Variants in MAP3K21 observed in about 807,000 individuals in gnomAD.
The protein encoded by MAP3K21 is mitogen-activated protein kinase kinase kinase 21.
In MAP3K21, 63 loss-of-function variants were observed where a neutral mutation model predicts 86.1. That is an observed-to-expected ratio of 0.73 (90% CI 0.60 to 0.90). The LOEUF is 0.90. MAP3K21 is among the 40% of genes least tolerant of loss of function. The probability of loss-of-function intolerance (pLI) is 0.00; values close to 1 mark genes in which losing one functional copy is unlikely to be tolerated. For missense variants in MAP3K21, 1,220 were observed against 1,367.7 expected (o/e 0.89, Z 1.70); for synonymous variants, 558 against 564.8 (o/e 0.99, Z 0.17).
In MAP3K21 at chr1:233,383,492, T is replaced by A. The variant is rs952772007; in HGVS notation, c.*781T>A. On this transcript the variant is annotated 3_prime_UTR_variant, in exon 10 of 10. Coordinates refer to ENST00000366624, the MANE Select transcript of MAP3K21 (RefSeq NM_032435.3). ...TGACTGAGACCACATGGTGTGCCCC[T>A]TGAGTGAGGCTAATCTTTAGGTTTT... The A allele has an allele frequency of 6.6e-6, 1 of 152,096 alleles. No homozygotes were observed. Among genetic ancestry groups the A allele is most frequent in the Non-Finnish European group, 1.5e-5 (1 of 67,988 alleles). 9.4% of individuals were successfully genotyped at this position (152,096 alleles called of 1,614,324 possible).
chr1:233,346,064 C>T (rs1039025217), intron 1 of MAP3K21, among the ~76,000 whole-genome samples: 2 of 152,268 alleles, frequency 1.3e-5, no homozygotes, highest in East Asian at 3.9e-4. Context: ...TTTCAATATT[C>T]TCCACTTCAG....
chr1:233,330,451 TC>T (rs1233649656), intron 1 of MAP3K21, among the ~76,000 whole-genome samples: 1 of 152,196 alleles, frequency 6.6e-6, no homozygotes, highest in Non-Finnish European at 1.5e-5. Flanking sequence ...TATATTTTTT[TC>T]AATAAAAGAA....
intron 8 of MAP3K21, 124 bp from the exon 9 acceptor site, chr1:233,378,807 A>G: frequency 1.4e-6 from 1 of 718,524 alleles, no homozygotes; most frequent in Admixed American, 3.0e-5. Context: ...AGAAATGAAA[A>G]GGGCTGCATG....
chr1:233,328,348 C>G lies in MAP3K21; in HGVS notation c.320C>G (p.Ala107Gly), dbSNP rs1194456075. The G allele has an allele frequency of 3.2e-5, 47 of 1,467,774 alleles. No homozygotes were observed. The highest frequency in any genetic ancestry group is 2.4e-4 in the Middle Eastern group (1 of 4,218). 90.9% of individuals were successfully genotyped at this position (1,467,774 alleles called of 1,614,324 possible). The change falls in exon 1 of 10, where the codon GCG (alanine) becomes GGG (glycine). Residue 107 changes from alanine (A) to glycine (G), a missense_variant. By Grantham distance (60) the Ala-to-Gly change is moderately conservative. Coordinates refer to ENST00000366624, the MANE Select transcript of MAP3K21 (RefSeq NM_032435.3). This position sits in a 1 kb window ranked among gnomAD's most constrained non-coding sequence, Gnocchi z 8.7. The part of the protein sequence containing the change: ...VAPCRPAASP[A>G]PPPSRPSSPV... ...CCCTGCCGCCCGGCCGCCAGCCCCG[C>G]GCCGCCGCCCTCGCGGCCCAGCTCC...
intron 2 of MAP3K21, among the ~76,000 whole-genome samples, chr1:233,352,987 G>C (rs1285536073): frequency 5.9e-5 from 9 of 152,184 alleles, no homozygotes; most frequent in Admixed American, 5.2e-4. Context: ...ATCAGTCTGT[G>C]GTATGGATGT....
At chr1:233,375,890 A>G (rs200447649) in intron 6 of MAP3K21, 26 bp from the exon 7 acceptor site, 2 of 1,586,696 alleles carry the variant, frequency 1.3e-6, no homozygotes, top group African/African-American at 1.3e-5. Flanking sequence ...TGTTGTGGTT[A>G]ATATGGTTAA....
At chr1:233,352,940 G>A (rs769401262) in intron 2 of MAP3K21, among the ~76,000 whole-genome samples, 1 of 152,174 alleles carries the variant, frequency 6.6e-6, no homozygotes. Context: ...CAGAAGACTC[G>A]TGCCTATGTC....
At chr1:233,342,067 T>C (rs1191445636) in intron 1 of MAP3K21, among the ~76,000 whole-genome samples, 1 of 152,214 alleles carries the variant, frequency 6.6e-6, no homozygotes. Flanking sequence ...TTTAAAGGAT[T>C]GGGGATCTAA....
At chr1:233,336,941 T>C (rs190241823) in intron 1 of MAP3K21, among the ~76,000 whole-genome samples, 28 of 152,328 alleles carry the variant, frequency 1.8e-4, no homozygotes, top group Non-Finnish European at 3.1e-4. Flanking sequence ...ACAGTATGCC[T>C]GATGTATTCT....
chr1:233,363,782 G>A (rs948987764), intron 5 of MAP3K21, among the ~76,000 whole-genome samples: 4 of 151,508 alleles, frequency 2.6e-5, no homozygotes, highest in Non-Finnish European at 5.9e-5. Flanking sequence ...TGAAGTGGAC[G>A]GGTTGCCTGA....
intron 9 of MAP3K21, among the ~76,000 whole-genome samples, chr1:233,381,021 A>G (rs1050093914): frequency 1.3e-5 from 2 of 152,202 alleles, no homozygotes; most frequent in African/African-American, 4.8e-5. Flanking sequence ...AGGAGATAAT[A>G]TGGGTACTTT....
At chr1:233,339,261 CTTCTTCCTCT>C (rs1558450830) in intron 1 of MAP3K21, among the ~76,000 whole-genome samples, 10 of 43,110 alleles carry the variant, frequency 2.3e-4, no homozygotes, top group South Asian at 1.9e-3. Flanking sequence ...TCTTCTTCTT[CTTCTTCCTCT>C]TCTTCTTCTT....
intron 5 of MAP3K21, among the ~76,000 whole-genome samples, chr1:233,370,195 C>T: frequency 6.6e-6 from 1 of 152,178 alleles, no homozygotes; most frequent in East Asian, 1.9e-4. Context: ...TATTATGTCC[C>T]AACCCCTGTG....
At chr1:233,369,032 G>T (rs558384019) in intron 5 of MAP3K21, among the ~76,000 whole-genome samples, 1 of 152,030 alleles carries the variant, frequency 6.6e-6, no homozygotes, top group African/African-American at 2.4e-5. Flanking sequence ...ATTGAGGGAG[G>T]GGGCAGAACT....
chr1:233,356,180 G>T (rs1663349157), intron 4 of MAP3K21, among the ~76,000 whole-genome samples: 1 of 152,042 alleles, frequency 6.6e-6, no homozygotes, highest in African/African-American at 2.4e-5. Context: ...TACTCCATCG[G>T]GTAAACTGTG....
chr1:233,363,816 G>C (rs1663514520), intron 5 of MAP3K21, among the ~76,000 whole-genome samples: 1 of 150,584 alleles, frequency 6.6e-6, no homozygotes, highest in African/African-American at 2.5e-5. Flanking sequence ...AGACCAGACT[G>C]GGCAACATGA....
At chr1:233,366,198 G>A (rs370453006) in intron 5 of MAP3K21, among the ~76,000 whole-genome samples, 5 of 152,218 alleles carry the variant, frequency 3.3e-5, no homozygotes, top group African/African-American at 1.2e-4. Flanking sequence ...AAGGGCTTGA[G>A]GGGAGGGGAG....
Position 233,379,548 on chromosome 1 carries a change from G to A in MAP3K21, c.2542G>A (p.Glu848Lys), listed in dbSNP as rs201407213. ...TCCCACTGCCCCAGGAAGTGGTCGT[G>A]AGCCAGCCCTCATGCCAAGACTTGA... ...FCPTAPGSGR[E>K]PALMPRLDTD... The change falls in exon 9 of 10, where the codon GAG becomes AAG. Residue 848 changes from glutamate (E) to lysine (K), a missense_variant. Glu to Lys is a moderately conservative substitution (Grantham distance 56). This residue lies in a region of MAP3K21 where 632 missense variants were observed against 691.3 expected (regional missense o/e 0.91). Transcript: ENST00000366624. 8 of 1,614,194 alleles carry A rather than the reference G, an allele frequency of 5.0e-6. No individual in the cohort carries two copies. The East Asian group carries it at 1.6e-4, about 31-fold the overall frequency.
chr1:233,342,147 C>T (rs954258678), intron 1 of MAP3K21, among the ~76,000 whole-genome samples: 19 of 151,940 alleles, frequency 1.3e-4, no homozygotes, highest in African/African-American at 4.6e-4. Flanking sequence ...ATAAATATAC[C>T]TTTAACTGAT....
Sources: gnomAD v4.1 joint callset for allele counts (sites outside exome capture counted in the v4.1 genomes callset) on GRCh38, gnomAD v4.1.1 for gene constraint, gnomAD v4.1.1 regional missense constraint, Gnocchi (gnomAD v3.1) non-coding constraint, MANE v1.5 for transcripts, NCBI Gene and HGNC (gene_info 2026-07-23, HGNC 2026-07-21) for gene names.